CLSTN2: variants seen among roughly 807,000 people sequenced by gnomAD.
CLSTN2 encodes calsyntenin 2.
In CLSTN2, 48 loss-of-function variants were observed where a neutral mutation model predicts 101.2. The observed-to-expected ratio is 0.47, with a 90% CI of 0.38 to 0.60. The LOEUF is 0.60. CLSTN2 is among the 20% of genes least tolerant of loss of function. The pLI is 0.00. For synonymous variants in CLSTN2, 481 were observed against 463.6 expected (o/e 1.04, Z -0.48); for missense variants, 1,160 against 1,238.2 (o/e 0.94, Z 0.95).
rs1404938113 is a variant in CLSTN2 at position 140,575,036 on chromosome 3, C to T, written c.*8783C>T. 6.6e-6 allele frequency: 1 copy of T among 152,254 alleles called. No homozygotes were observed. Among genetic ancestry groups the T allele is most frequent in the African/African-American group, 2.4e-5 (1 of 41,444 alleles). 9.4% of individuals were successfully genotyped at this position (152,254 alleles called of 1,614,324 possible). On this transcript the variant is annotated 3_prime_UTR_variant, in exon 17 of 17. Transcript: ENST00000458420. Reference sequence around the variant, plus strand: ...AGAACACTCACATCTGGAGCCCACGCCCACCCACCTCCAGCTCCTCTACAT... The same window carrying T: ...AGAACACTCACATCTGGAGCCCACGTCCACCCACCTCCAGCTCCTCTACAT...
At chr3:140,339,629 C>T (rs565443892) in intron 2 of CLSTN2, among the ~76,000 whole-genome samples, 1 of 152,274 alleles carries the variant, frequency 6.6e-6, no homozygotes, top group African/African-American at 2.4e-5. Flanking sequence ...TACCTCAGAA[C>T]CATGGGGGCC....
At chr3:140,211,040 C>T (rs562587270) in intron 2 of CLSTN2, among the ~76,000 whole-genome samples, 2 of 152,002 alleles carry the variant, frequency 1.3e-5, no homozygotes, top group African/African-American at 2.4e-5. Flanking sequence ...GGCTTGGGGT[C>T]GGTATGTGTG....
intron 2 of CLSTN2, among the ~76,000 whole-genome samples, chr3:140,249,041 G>A (rs1449674965): frequency 1.3e-5 from 2 of 152,094 alleles, no homozygotes; most frequent in African/African-American, 4.8e-5. Context: ...ACCCTGTAGG[G>A]TCTCTGTTTT....
chr3:140,474,674 C>A (rs750784803), intron 8 of CLSTN2, among the ~76,000 whole-genome samples: 1 of 152,138 alleles, frequency 6.6e-6, no homozygotes, highest in Non-Finnish European at 1.5e-5. Flanking sequence ...TAGACCATAC[C>A]TGCCTTTCCC....
chr3:140,072,783 T>A (rs2008418177), intron 1 of CLSTN2, among the ~76,000 whole-genome samples: 1 of 152,192 alleles, frequency 6.6e-6, no homozygotes, highest in African/African-American at 2.4e-5. Context: ...CTTATTGAAA[T>A]GTGTGTTAAA....
At chr3:140,161,666 T>G (rs992933525) in intron 1 of CLSTN2, among the ~76,000 whole-genome samples, 2 of 152,144 alleles carry the variant, frequency 1.3e-5, no homozygotes, top group African/African-American at 2.4e-5. Context: ...ATAACTTTGG[T>G]TATCCTTTCT....
intron 8 of CLSTN2, among the ~76,000 whole-genome samples, chr3:140,486,708 G>A (rs1352249481): frequency 6.6e-6 from 1 of 152,178 alleles, no homozygotes; most frequent in African/African-American, 2.4e-5. Flanking sequence ...ATTATATATG[G>A]GCCACAGGTA....
chr3:140,155,645 C>G (rs139798243), intron 1 of CLSTN2, among the ~76,000 whole-genome samples: 5 of 152,116 alleles, frequency 3.3e-5, no homozygotes, highest in East Asian at 1.9e-4. Flanking sequence ...CTGAGTATGC[C>G]CATGATCCTG....
At chr3:140,014,320 G>A (rs1302087749) in intron 1 of CLSTN2, among the ~76,000 whole-genome samples, 1 of 152,070 alleles carries the variant, frequency 6.6e-6, no homozygotes, top group East Asian at 1.9e-4. Context: ...TACCTCCCGG[G>A]TTCAAGTATG....
At position 140,572,015 on chromosome 3, in the gene CLSTN2, G is replaced by A. The variant is rs867147898; in HGVS notation, c.*5762G>A. ...TGGGTCAGGCCCTGTGCCAGCAACA[G>A]GGGAAGGGAGGATGAACAAGGCATG... On this transcript the variant is annotated 3_prime_UTR_variant, in exon 17 of 17. Coordinates refer to ENST00000458420, the MANE Select transcript of CLSTN2 (RefSeq NM_022131.3). 2 of 152,326 alleles carry A rather than the reference G, an allele frequency of 1.3e-5. No homozygotes were observed. Among genetic ancestry groups the A allele is most frequent in the African/African-American group, 2.4e-5 (1 of 41,454 alleles). 9.4% of individuals were successfully genotyped at this position (152,326 alleles called of 1,614,324 possible). A position where few individuals can be genotyped will look rare whatever the true frequency, so the allele number is the denominator to read the frequency against.
Position 140,241,740 on chromosome 3 carries a change from A to C in CLSTN2, c.232+65667A>C, listed in dbSNP as rs566520416. On this transcript the variant is annotated intron_variant, in intron 2 of 16. Transcript: ENST00000458420. Reference sequence around the variant, plus strand: ...TGAGGAAGGAAAATTGGCCTTTGACAGGCACACAATTTAATCCAGTTGCTT... The same window carrying C: ...TGAGGAAGGAAAATTGGCCTTTGACCGGCACACAATTTAATCCAGTTGCTT... Among the ~76,000 whole-genome samples the C allele has an allele frequency of 9.4e-4, 143 of 151,722 alleles. 1 individual carries two copies. Among genetic ancestry groups the C allele is most frequent in the African/African-American group, 3.3e-3 (135 of 41,338 alleles).
intron 1 of CLSTN2, among the ~76,000 whole-genome samples, chr3:140,151,120 A>G (rs2009857854): frequency 6.6e-6 from 1 of 152,086 alleles, no homozygotes; most frequent in Non-Finnish European, 1.5e-5. Context: ...GGCAGTGCTT[A>G]GCTACTTGGC....
At chr3:140,286,433 TG>T (rs1377406075) in intron 2 of CLSTN2, among the ~76,000 whole-genome samples, 2 of 152,154 alleles carry the variant, frequency 1.3e-5, no homozygotes, top group African/African-American at 4.8e-5. Context: ...GCATAAAACT[TG>T]CTCCCCACTC....
chr3:140,498,859 T>G (rs1480928074), intron 8 of CLSTN2, among the ~76,000 whole-genome samples: 1 of 152,188 alleles, frequency 6.6e-6, no homozygotes, highest in Non-Finnish European at 1.5e-5. Context: ...CCTCTCAGCC[T>G]TGGTTACTAT....
intron 10 of CLSTN2, among the ~76,000 whole-genome samples, chr3:140,553,447 T>C (rs951268504): frequency 6.6e-6 from 1 of 152,184 alleles, no homozygotes; most frequent in Non-Finnish European, 1.5e-5. Context: ...GTACTAGAAC[T>C]GGAATATTAC....
At chr3:140,427,207 G>GTATATATATA (rs1301184422) in intron 5 of CLSTN2, among the ~76,000 whole-genome samples, 1 of 84,982 alleles carries the variant, frequency 1.2e-5, no homozygotes, top group African/African-American at 7.4e-5. Context: ...ATATATATGT[G>GTATATATATA]TATATATATA....
chr3:140,492,554 C>T (rs1934372491), intron 8 of CLSTN2, among the ~76,000 whole-genome samples: 1 of 152,164 alleles, frequency 6.6e-6, no homozygotes, highest in Non-Finnish European at 1.5e-5. Context: ...GGACTAAATC[C>T]AAGGTGTCCC....
At chr3:139,967,650 C>T (rs1490988903) in intron 1 of CLSTN2, among the ~76,000 whole-genome samples, 2 of 152,188 alleles carry the variant, frequency 1.3e-5, no homozygotes, top group African/African-American at 4.8e-5. Context: ...TGTTTCCCCT[C>T]CTGTTTTAGA....
intron 1 of CLSTN2, among the ~76,000 whole-genome samples, chr3:140,104,082 A>T (rs568234183): frequency 2.0e-5 from 3 of 152,306 alleles, no homozygotes; most frequent in African/African-American, 7.2e-5. Flanking sequence ...AATGGAAGGA[A>T]TTTCACAGCT....
Sources: gnomAD v4.1 joint callset for allele counts (sites outside exome capture counted in the v4.1 genomes callset) on GRCh38, gnomAD v4.1.1 for gene constraint, MANE v1.5 for transcripts, NCBI Gene and HGNC (gene_info 2026-07-23, HGNC 2026-07-21) for gene names.